Variants in GOLPH3L observed in about 807,000 individuals in gnomAD.
The protein encoded by GOLPH3L is Golgi phosphoprotein 3-like.
In GOLPH3L, 22 loss-of-function variants were observed where a neutral mutation model predicts 30.3. The observed-to-expected ratio is 0.73, with a 90% CI of 0.52 to 1.04. The LOEUF is 1.04. Ranked by LOEUF, GOLPH3L falls within the 50% of genes least tolerant of loss-of-function variation. The pLI is 0.00. For missense variants in GOLPH3L, 303 were observed against 345.8 expected, an observed-to-expected ratio of 0.88 and a Z score of 0.98; for synonymous variants, 120 against 128.2, an observed-to-expected ratio of 0.94 and a Z score of 0.43.
intron 2 of GOLPH3L, among the ~76,000 whole-genome samples, chr1:150,673,372 G>A (rs1650688631): frequency 6.6e-6 from 1 of 151,948 alleles, no homozygotes; most frequent in Non-Finnish European, 1.5e-5. Flanking sequence ...GACCAGGGTG[G>A]CCAACATAGT....
At chr1:150,691,911 T>C (rs1368253048) in intron 2 of GOLPH3L, among the ~76,000 whole-genome samples, 1 of 152,136 alleles carries the variant, frequency 6.6e-6, no homozygotes, top group African/African-American at 2.4e-5. Context: ...GACTCTTTTT[T>C]TTTTTTGATG....
At chr1:150,686,492 CA>C in intron 2 of GOLPH3L, among the ~76,000 whole-genome samples, 1 of 152,294 alleles carries the variant, frequency 6.6e-6, no homozygotes, top group African/African-American at 2.4e-5. Flanking sequence ...GGCAGTGAAA[CA>C]CCACGCCCAG....
At chr1:150,674,538 C>T (rs1234914745) in intron 2 of GOLPH3L, among the ~76,000 whole-genome samples, 1 of 152,050 alleles carries the variant, frequency 6.6e-6, no homozygotes. Context: ...GCTGGTATTA[C>T]AGGCGTGAAC....
chr1:150,649,395 T>A, intron 4 of GOLPH3L, among the ~76,000 whole-genome samples: 1 of 152,144 alleles, frequency 6.6e-6, no homozygotes, highest in East Asian at 1.9e-4. Context: ...AAGCTCTGCC[T>A]GAGAGGACTG....
At chr1:150,674,803 G>T (rs587671381) in intron 2 of GOLPH3L, among the ~76,000 whole-genome samples, 1 of 151,860 alleles carries the variant, frequency 6.6e-6, no homozygotes, top group African/African-American at 2.4e-5. Context: ...GAGGTGGAAG[G>T]ATCCCTCAAG....
intron 2 of GOLPH3L, among the ~76,000 whole-genome samples, chr1:150,689,352 GA>G (rs1419496767): frequency 6.6e-6 from 1 of 152,184 alleles, no homozygotes; most frequent in East Asian, 1.9e-4. Flanking sequence ...TCTAATAAAT[GA>G]AAAGTTTTAT....
In GOLPH3L at chr1:150,648,339, T is replaced by C; in HGVS notation, c.840A>G (p.Ala280=). ...SATEMIWAVL[A]AFNKS ...GCCGGCTTTAAGATTTATTGAAGGCTGCCAGCACAGCCCAGATCATTTCTG... is the reference window on the plus strand; with the variant it reads ...GCCGGCTTTAAGATTTATTGAAGGCCGCCAGCACAGCCCAGATCATTTCTG... The change falls in exon 5 of 5, where the codon GCA becomes GCG. Residue 280 remains alanine, a synonymous_variant. Transcript: ENST00000271732. 1 of 1,602,354 alleles carries C rather than the reference T, an allele frequency of 6.2e-7. No homozygotes were observed. Among genetic ancestry groups the C allele is most frequent in the Non-Finnish European group, 8.5e-7 (1 of 1,172,508 alleles).
At position 150,648,155 on chromosome 1, in the gene GOLPH3L, G is replaced by T. The variant is rs1650024896; in HGVS notation, c.*166C>A. On this transcript the variant is annotated 3_prime_UTR_variant, in exon 5 of 5. Transcript: ENST00000271732. The stretch of plus-strand genomic sequence containing the variant: ...GGGAGAAATAAGGTCTGCTTATAAT[G>T]GTCAAGGTCTATGGAGAAGCCCTGA... The T allele has an allele frequency of 1.7e-6, 1 of 579,774 alleles. No individual in the cohort carries two copies. The highest frequency in any genetic ancestry group is 2.8e-5 in the East Asian group (1 of 36,036). The allele number at this position is 579,774 out of a possible 1,614,324, so 35.9% of individuals were successfully genotyped here. A position where few individuals can be genotyped will look rare whatever the true frequency, so the allele number is the denominator to read the frequency against.
chr1:150,691,579 T>G (rs1471450304), intron 2 of GOLPH3L, among the ~76,000 whole-genome samples: 1 of 152,052 alleles, frequency 6.6e-6, no homozygotes, highest in East Asian at 1.9e-4. Flanking sequence ...AACAGAAAAT[T>G]GTTACTATCT....
intron 2 of GOLPH3L, among the ~76,000 whole-genome samples, chr1:150,693,486 A>G (rs1651257446): frequency 6.6e-6 from 1 of 151,736 alleles, no homozygotes; most frequent in Admixed American, 6.6e-5. Flanking sequence ...GCGGTGGGCG[A>G]GGGGGGGCGG....
rs145494612 is a variant in GOLPH3L, at chr1:150,694,840, C to G, written c.-2G>C. On this transcript the variant is annotated 5_prime_UTR_variant, in exon 2 of 5. Coordinates refer to ENST00000271732, the MANE Select transcript of GOLPH3L (RefSeq NM_018178.6). ...GGCCCGGTGAGTTAAAGTGGTCATT[C>G]TCACCTGTTTCTGGAGGGAGTGGTG... 1.0e-3 allele frequency: 1,593 copies of G among 1,592,988 alleles called. 6 individuals carry two copies. The highest frequency in any genetic ancestry group is 1.2e-3 in the Non-Finnish European group (1,409 of 1,171,584).
chr1:150,679,813 A>ATAC (rs996848494), intron 2 of GOLPH3L, among the ~76,000 whole-genome samples: 44 of 152,176 alleles, frequency 2.9e-4, no homozygotes, highest in African/African-American at 1.0e-3. Context: ...AATAATAATA[A>ATAC]TAATAAAAAG....
intron 2 of GOLPH3L, among the ~76,000 whole-genome samples, chr1:150,673,515 G>C (rs745497193): frequency 1.6e-4 from 25 of 151,856 alleles, no homozygotes; most frequent in Middle Eastern, 3.4e-3. Flanking sequence ...GCAGTGAGCT[G>C]AGATCGCACC....
chr1:150,678,546 C>A (rs1214246073), intron 2 of GOLPH3L, among the ~76,000 whole-genome samples: 2 of 152,170 alleles, frequency 1.3e-5, no homozygotes, highest in East Asian at 3.9e-4. Flanking sequence ...CTATAATTCA[C>A]CAGATCTGCT....
rs1651135673 is a variant in GOLPH3L at position 150,688,191 on chromosome 1, T to A, written c.183+6465A>T. ...TTGGCTTTCAAACTACTTGTTAAAC[T>A]GTATATATGTGCTTTATACAATTTT... On this transcript the variant is annotated intron_variant, in intron 2 of 4. Coordinates refer to ENST00000271732, the MANE Select transcript of GOLPH3L (RefSeq NM_018178.6). Among the ~76,000 whole-genome samples, 3 of 152,246 alleles carry A rather than the reference T, an allele frequency of 2.0e-5. 1 individual carries two copies. The South Asian group carries it at 6.2e-4, about 31-fold the overall frequency.
intron 4 of GOLPH3L, among the ~76,000 whole-genome samples, chr1:150,657,635 G>C (rs587702544): frequency 6.6e-6 from 1 of 152,192 alleles, no homozygotes; most frequent in African/African-American, 2.4e-5. Flanking sequence ...TTGTGGTGAT[G>C]AGCATTCCAG....
intron 4 of GOLPH3L, among the ~76,000 whole-genome samples, chr1:150,661,389 T>C (rs1207767983): frequency 2.6e-5 from 4 of 152,286 alleles, no homozygotes; most frequent in Middle Eastern, 6.8e-3. Flanking sequence ...ACAGCAGCAT[T>C]ATTCACAATA....
At chr1:150,659,546 T>C (rs1218450769) in intron 4 of GOLPH3L, among the ~76,000 whole-genome samples, 1 of 152,212 alleles carries the variant, frequency 6.6e-6, no homozygotes, top group Non-Finnish European at 1.5e-5. Flanking sequence ...GTAAACCTTA[T>C]GATTGGCTTG....
intron 2 of GOLPH3L, among the ~76,000 whole-genome samples, chr1:150,671,496 G>C (rs1650642678): frequency 6.6e-6 from 1 of 151,856 alleles, no homozygotes; most frequent in Non-Finnish European, 1.5e-5. Context: ...CTTAAAAGTT[G>C]CCTGCTTGGC....
Sources: gnomAD v4.1 joint callset for allele counts (sites outside exome capture counted in the v4.1 genomes callset) on GRCh38, gnomAD v4.1.1 for gene constraint, MANE v1.5 for transcripts, NCBI Gene and HGNC (gene_info 2026-07-23, HGNC 2026-07-21) for gene names.